RIMS1: variants seen among roughly 807,000 people sequenced by gnomAD.
RIMS1 encodes the protein regulating synaptic membrane exocytosis 1, also known as regulating synaptic membrane exocytosis protein 1.
RIMS1 carries 83 observed loss-of-function variants against 214.1 expected under a neutral mutation model. The observed-to-expected ratio is 0.39, with a 90% CI of 0.32 to 0.47. The LOEUF (loss-of-function observed/expected upper bound fraction) is 0.47, where lower values mean the gene tolerates loss of function less well. RIMS1 is among the 20% of genes least tolerant of loss of function. The pLI is 0.99. For missense variants in RIMS1, 2,050 were observed against 2,161.8 expected (o/e 0.95, Z 1.03); for synonymous variants, 793 against 786.8 (o/e 1.01, Z -0.13).
chr6:72,328,958 A>C lies in RIMS1; in HGVS notation c.4131-4642A>C, dbSNP rs940396700. Among the ~76,000 whole-genome samples, 16 of 151,992 alleles carry C rather than the reference A, an allele frequency of 1.1e-4. No individual in the cohort carries two copies. The South Asian group carries it at 1.4e-3, about 14-fold the overall frequency. On this transcript the variant is annotated intron_variant, in intron 28 of 33. Coordinates refer to ENST00000521978, the MANE Select transcript of RIMS1 (RefSeq NM_014989.7). ...TATTGTTACTGCCACTAGTTGGGAA[A>C]GTATTATTAGTCATAAGCAATGCAG... is the stretch of plus-strand genomic sequence containing the variant.
rs1010483677 is a variant in RIMS1 at position 71,968,238 on chromosome 6, T to A, written c.165-745T>A. On this transcript the variant is annotated intron_variant, in intron 1 of 33. Transcript: ENST00000521978. ...GTTTTCTGATTTCTGCCAATAAATG[T>A]CACCAGTGCTCTGTAAGCCCTGTTT... Among the ~76,000 whole-genome samples, 8 of 152,244 alleles carry A rather than the reference T, an allele frequency of 5.3e-5. 1 individual carries two copies. The highest frequency in any genetic ancestry group is 1.2e-4 in the African/African-American group (5 of 41,466).
intron 6 of RIMS1, among the ~76,000 whole-genome samples, chr6:72,229,516 C>A (rs974063369): frequency 6.6e-6 from 1 of 151,702 alleles, no homozygotes; most frequent in Non-Finnish European, 1.5e-5. Flanking sequence ...TATTTCTTAT[C>A]CCTGACCTGT....
intron 2 of RIMS1, among the ~76,000 whole-genome samples, chr6:72,002,033 G>A (rs1805432369): frequency 6.6e-6 from 1 of 152,148 alleles, no homozygotes; most frequent in African/African-American, 2.4e-5. Flanking sequence ...ACATGGTAGG[G>A]GAGAAGTTTG....
intron 6 of RIMS1, among the ~76,000 whole-genome samples, chr6:72,223,924 G>A (rs899393664): frequency 1.4e-5 from 2 of 146,430 alleles, no homozygotes; most frequent in Non-Finnish European, 3.0e-5. Flanking sequence ...CTCCAGCCTG[G>A]GTGACAGAGC....
At chr6:72,052,926 A>G (rs1220531913) in intron 2 of RIMS1, among the ~76,000 whole-genome samples, 1 of 152,174 alleles carries the variant, frequency 6.6e-6, no homozygotes, top group African/African-American at 2.4e-5. Flanking sequence ...CTTCTGAGTG[A>G]GAGGATCCCT....
rs57014463 is a variant in RIMS1 at position 71,936,341 on chromosome 6, A to AG, written c.165-32642_165-32641insG. Among the ~76,000 whole-genome samples the AG allele has an allele frequency of 9.7e-3, 1,453 of 149,862 alleles. 40 individuals carry two copies. The highest frequency in any genetic ancestry group is 0.034 in the African/African-American group (1,378 of 40,658). ...GACTCCGTCTCAAAAAAAAAAAAAA[A>AG]AAAAAAAAAAAGAAAAGAAAAGGAA... On this transcript the variant is annotated intron_variant, in intron 1 of 33. Coordinates refer to ENST00000521978, the MANE Select transcript of RIMS1 (RefSeq NM_014989.7).
At chr6:72,290,623 A>G in intron 24 of RIMS1, 56 bp from the exon 25 acceptor site, 1 of 1,495,584 alleles carries the variant, frequency 6.7e-7, no homozygotes, top group Non-Finnish European at 9.1e-7. Context: ...ATGTGTTGGT[A>G]TCAAAGTTAA....
At chr6:71,905,494 A>G (rs896453462) in intron 1 of RIMS1, among the ~76,000 whole-genome samples, 1 of 152,172 alleles carries the variant, frequency 6.6e-6, no homozygotes, top group Non-Finnish European at 1.5e-5. Context: ...AGGAGATGAT[A>G]GGAAATGTAG....
At chr6:72,208,357 C>T (rs945554590) in intron 6 of RIMS1, among the ~76,000 whole-genome samples, 2 of 152,132 alleles carry the variant, frequency 1.3e-5, no homozygotes, top group Admixed American at 1.3e-4. Context: ...TCAGTGATAC[C>T]TCATTCTATA....
intron 2 of RIMS1, among the ~76,000 whole-genome samples, chr6:72,091,081 C>T (rs374769730): frequency 6.6e-6 from 1 of 152,220 alleles, no homozygotes; most frequent in African/African-American, 2.4e-5. Flanking sequence ...GTTTTCAGCA[C>T]CTATGCCCTT....
chr6:72,001,874 A>T (rs1247151308), intron 2 of RIMS1, among the ~76,000 whole-genome samples: 1 of 152,222 alleles, frequency 6.6e-6, no homozygotes, highest in Non-Finnish European at 1.5e-5. Context: ...GGTACAGAAC[A>T]TTCCACAAAA....
At chr6:72,339,724 G>A (rs1372894468) in intron 29 of RIMS1, among the ~76,000 whole-genome samples, 1 of 152,008 alleles carries the variant, frequency 6.6e-6, no homozygotes, top group African/African-American at 2.4e-5. Context: ...TTGCTATTGT[G>A]AATAGTGCCG....
chr6:72,130,530 CAT>C (rs1366079977), intron 4 of RIMS1, among the ~76,000 whole-genome samples: 8 of 152,042 alleles, frequency 5.3e-5, no homozygotes, highest in African/African-American at 1.9e-4. Flanking sequence ...TCCTTAGAGA[CAT>C]GTGTTTTGGG....
intron 1 of RIMS1, among the ~76,000 whole-genome samples, chr6:71,935,181 T>A (rs1229548987): frequency 6.6e-6 from 1 of 152,202 alleles, no homozygotes; most frequent in East Asian, 1.9e-4. Context: ...CCCTTTCCTC[T>A]CACTTCTCAG....
intron 4 of RIMS1, among the ~76,000 whole-genome samples, chr6:72,137,958 G>C (rs1031567062): frequency 6.6e-6 from 1 of 151,914 alleles, no homozygotes; most frequent in East Asian, 1.9e-4. Context: ...GGATGGTCTC[G>C]ATCTCCTGAC....
At chr6:71,943,684 T>C (rs1452914065) in intron 1 of RIMS1, among the ~76,000 whole-genome samples, 1 of 152,182 alleles carries the variant, frequency 6.6e-6, no homozygotes, top group Non-Finnish European at 1.5e-5. Context: ...GCAATAAGCA[T>C]TTTTTCCTTT....
intron 1 of RIMS1, among the ~76,000 whole-genome samples, chr6:71,921,990 C>T (rs115280070): frequency 1.9e-3 from 289 of 152,218 alleles, no homozygotes; most frequent in African/African-American, 6.7e-3. Context: ...AAATTTGCAT[C>T]TTACCTTTAA....
At chr6:72,045,994 T>C (rs1822906794) in intron 2 of RIMS1, among the ~76,000 whole-genome samples, 1 of 152,058 alleles carries the variant, frequency 6.6e-6, no homozygotes, top group Admixed American at 6.6e-5. Flanking sequence ...TCCCTTACAG[T>C]GTGTGTGTCT....
At position 72,355,247 on chromosome 6, in the gene RIMS1, C is replaced by T. The variant is rs1456379892; in HGVS notation, c.4366+21412C>T. 2.6e-5 allele frequency among the ~76,000 whole-genome samples: 4 copies of T among 152,106 alleles called. No individual in the cohort carries two copies. The South Asian group carries it at 6.2e-4, about 24-fold the overall frequency. ...TATTGTCTCTAAACTTTTATATTGT[C>T]TCTAAACTTCATCTTTCACTACTTA... On this transcript the variant is annotated intron_variant, in intron 29 of 33. Transcript: ENST00000521978.
Sources: allele counts gnomAD v4.1 joint callset (sites outside exome capture counted in the v4.1 genomes callset), GRCh38; gene constraint gnomAD v4.1.1; transcripts MANE v1.5; gene names NCBI Gene and HGNC (gene_info 2026-07-23, HGNC 2026-07-21).